WDTC1: variants seen among roughly 807,000 people sequenced by gnomAD.
The protein encoded by WDTC1 is WD and tetratricopeptide repeats protein 1.
WDTC1 carries 12 observed loss-of-function variants against 76.0 expected under a neutral mutation model. That is an observed-to-expected ratio of 0.16 (90% CI 0.10 to 0.26). WDTC1 has a LOEUF of 0.26. Ranked by LOEUF, WDTC1 falls within the 10% of genes least tolerant of loss-of-function variation. WDTC1 has a pLI of 1.00. For synonymous variants in WDTC1, 326 were observed against 350.8 expected, an observed-to-expected ratio of 0.93 and a Z score of 0.79; for missense variants, 511 against 908.8, an observed-to-expected ratio of 0.56 and a Z score of 5.63.
rs143997187 is a variant in WDTC1 at position 27,249,989 on chromosome 1, A to G, written c.-99-10967A>G. 2.1e-3 allele frequency among the ~76,000 whole-genome samples: 327 copies of G among 152,164 alleles called. 1 individual carries two copies. Among genetic ancestry groups the G allele is most frequent in the African/African-American group, 6.5e-3 (269 of 41,520 alleles). On this transcript the variant is annotated intron_variant, in intron 1 of 15. Transcript: ENST00000319394. The stretch of plus-strand genomic sequence containing the variant: ...ACCTAACAGGTGATAAAGACATCCT[A>G]TACTCTGCCCCTGCCATCCTACAAT...
intron 6 of WDTC1, among the ~76,000 whole-genome samples, chr1:27,288,880 G>A (rs1265018386): frequency 6.6e-6 from 1 of 152,136 alleles, no homozygotes; most frequent in Admixed American, 6.5e-5. Flanking sequence ...CCTCCCAGAC[G>A]GGGTGGTGGC....
Position 27,306,102 on chromosome 1 carries a change from A to G in WDTC1, c.1837-84A>G. On this transcript the variant is annotated intron_variant, in intron 15 of 15. Transcript: ENST00000319394. The surrounding 1 kb of genome is among the most constrained non-coding windows in gnomAD (Gnocchi z 5.0). ...CCCCTATAGATAGTTTAGTCTGTGT[A>G]TTTCCCTCCCCCTCCCCTATACGTG... 1 of 1,475,960 alleles carries G rather than the reference A, an allele frequency of 6.8e-7. No individual in the cohort carries two copies. The highest frequency in any genetic ancestry group is 9.4e-7 in the Non-Finnish European group (1 of 1,068,026). 91.4% of individuals were successfully genotyped at this position (1,475,960 alleles called of 1,614,324 possible). A position where few individuals can be genotyped will look rare whatever the true frequency, so the allele number is the denominator to read the frequency against.
chr1:27,290,518 C>G (rs1220599467), intron 6 of WDTC1, among the ~76,000 whole-genome samples: 1 of 152,224 alleles, frequency 6.6e-6, no homozygotes, highest in African/African-American at 2.4e-5. Flanking sequence ...GCGCCTGGCA[C>G]ATAGAGCCGC....
chr1:27,287,399 T>A (rs2013369985), intron 5 of WDTC1, among the ~76,000 whole-genome samples: 1 of 152,050 alleles, frequency 6.6e-6, no homozygotes, highest in African/African-American at 2.4e-5. Context: ...TGAGACAGTC[T>A]CGCTCTGTTG....
In WDTC1 at chr1:27,291,544, A is replaced by T. The variant is rs141874994; in HGVS notation, c.480-671A>T. 5.9e-5 allele frequency among the ~76,000 whole-genome samples: 9 copies of T among 152,266 alleles called. No homozygotes were observed. In the East Asian group the frequency reaches 1.7e-3, roughly 29 times the overall value. On this transcript the variant is annotated intron_variant, in intron 6 of 15. Transcript: ENST00000319394. ...CACCACTCTCTGAGGATACCTGTGT[A>T]TTGGCAGCACAAAGTTTCCCCGTCT...
At chr1:27,246,647 C>T (rs182839407) in intron 1 of WDTC1, among the ~76,000 whole-genome samples, 37 of 151,990 alleles carry the variant, frequency 2.4e-4, no homozygotes, top group Admixed American at 1.2e-3. Flanking sequence ...CTGCAACCTC[C>T]GCCTTCCAGG....
chr1:27,294,373 G>T (rs1044012411), intron 8 of WDTC1, 141 bp from the exon 9 acceptor site: 1 of 748,890 alleles, frequency 1.3e-6, no homozygotes, highest in African/African-American at 1.8e-5. Flanking sequence ...CTAGCCCAGT[G>T]CATATAGTAA....
At chr1:27,298,972 G>C (rs143377583) in intron 12 of WDTC1, among the ~76,000 whole-genome samples, 1 of 152,336 alleles carries the variant, frequency 6.6e-6, no homozygotes, top group Admixed American at 6.5e-5. Flanking sequence ...GGAAGATGCT[G>C]TCCCCCGGCC....
In WDTC1 at chr1:27,294,649, G is replaced by A; in HGVS notation, c.873+20G>A. The A allele has an allele frequency of 6.2e-7, 1 of 1,608,182 alleles. No individual in the cohort carries two copies. Among genetic ancestry groups the A allele is most frequent in the East Asian group, 2.2e-5 (1 of 44,802 alleles). On this transcript the variant is annotated intron_variant, in intron 9 of 15. Transcript: ENST00000319394. ...GAACAGGTATGTACAGCATAAGGTGGTTCTGCCCCATCACCATTCCATGCC... is the reference window on the plus strand; with the variant it reads ...GAACAGGTATGTACAGCATAAGGTGATTCTGCCCCATCACCATTCCATGCC...
chr1:27,284,884 T>C (rs1330514722), intron 5 of WDTC1, among the ~76,000 whole-genome samples: 1 of 152,156 alleles, frequency 6.6e-6, no homozygotes, highest in African/African-American at 2.4e-5. Context: ...GTGTGATGCG[T>C]GTGGCAGCAG....
chr1:27,243,907 C>G (rs1482461637), intron 1 of WDTC1, among the ~76,000 whole-genome samples: 1 of 150,780 alleles, frequency 6.6e-6, no homozygotes, highest in Non-Finnish European at 1.5e-5. Flanking sequence ...GGGCAGATCG[C>G]TTGAGCCCAG....
intron 3 of WDTC1, among the ~76,000 whole-genome samples, chr1:27,268,161 C>T (rs1161849081): frequency 2.0e-5 from 3 of 152,084 alleles, no homozygotes; most frequent in African/African-American, 2.4e-5. Context: ...ATTTCACAGG[C>T]GAGGCATGGT....
chr1:27,256,097 A>G (rs1232631421), intron 1 of WDTC1, among the ~76,000 whole-genome samples: 1 of 152,214 alleles, frequency 6.6e-6, no homozygotes, highest in Non-Finnish European at 1.5e-5. Flanking sequence ...GGAAGGTCAT[A>G]GAGTCATGCT....
chr1:27,260,872 G>A, intron 1 of WDTC1, 84 bp from the exon 2 acceptor site: 1 of 659,702 alleles, frequency 1.5e-6, no homozygotes. Flanking sequence ...CACTTCACTG[G>A]GTGGGCTGTT....
At chr1:27,267,735 CAATG>C (rs1419029118) in intron 3 of WDTC1, among the ~76,000 whole-genome samples, 1 of 152,030 alleles carries the variant, frequency 6.6e-6, no homozygotes, top group Non-Finnish European at 1.5e-5. Context: ...AGGTCTAAAA[CAATG>C]AAGTATCTTT....
chr1:27,255,485 C>A (rs1037894660), intron 1 of WDTC1: 1 of 152,060 alleles, frequency 6.6e-6, no homozygotes, highest in African/African-American at 2.4e-5. Context: ...GCAGTAGTGA[C>A]AAGAGGGGAA....
chr1:27,237,891 A>G (rs1463378177), intron 1 of WDTC1, among the ~76,000 whole-genome samples: 1 of 151,852 alleles, frequency 6.6e-6, no homozygotes, highest in Non-Finnish European at 1.5e-5. Flanking sequence ...GAAAAGAAAA[A>G]AAAGAAAGAA....
chr1:27,247,487 C>T (rs1158409855), intron 1 of WDTC1, among the ~76,000 whole-genome samples: 1 of 152,170 alleles, frequency 6.6e-6, no homozygotes, highest in East Asian at 1.9e-4. Flanking sequence ...CCACCCTCCA[C>T]CCTCAAGTAG....
At chr1:27,237,520 C>T (rs2011515404) in intron 1 of WDTC1, among the ~76,000 whole-genome samples, 1 of 152,138 alleles carries the variant, frequency 6.6e-6, no homozygotes, top group Non-Finnish European at 1.5e-5. Flanking sequence ...TAGCTGTCAT[C>T]TCTTGAAAAG....
Sources: gnomAD v4.1 joint callset for allele counts (sites outside exome capture counted in the v4.1 genomes callset) on GRCh38, gnomAD v4.1.1 for gene constraint, Gnocchi (gnomAD v3.1) non-coding constraint, MANE v1.5 for transcripts, NCBI Gene and HGNC (gene_info 2026-07-23, HGNC 2026-07-21) for gene names.